The following DZANK1 variants were observed in gnomAD, a reference collection of about 807,000 sequenced individuals.
DZANK1 encodes the protein double zinc ribbon and ankyrin repeat domains 1, also known as double zinc ribbon and ankyrin repeat-containing protein 1.
Under a neutral mutation model 94.5 loss-of-function variants are expected in DZANK1, and 91 were observed. That is an observed-to-expected ratio of 0.96 (90% CI 0.81 to 1.15). DZANK1 has a LOEUF of 1.15. Ranked by LOEUF, DZANK1 falls within the 50% of genes most tolerant of loss-of-function variation. The pLI is 0.00. For synonymous variants in DZANK1, 312 were observed against 325.3 expected, an observed-to-expected ratio of 0.96 and a Z score of 0.44; for missense variants, 903 against 916.4, an observed-to-expected ratio of 0.99 and a Z score of 0.19.
chr20:18,393,825 GT>G lies in DZANK1; in HGVS notation c.1709-15del. The G allele has an allele frequency of 6.3e-7, 1 of 1,576,898 alleles. No homozygotes were observed. Among genetic ancestry groups the G allele is most frequent in the South Asian group, 1.1e-5 (1 of 88,026 alleles). ...TGTAGTCACTCACTGAAATGACACA[GT>G]TGGGGAAAAAAATGATGCCCCTCCC... On this transcript the variant is annotated splice_polypyrimidine_tract_variant and intron_variant, in intron 16 of 20. Transcript: ENST00000262547.
At chr20:18,447,143 TA>T (rs1381831363) in intron 7 of DZANK1, among the ~76,000 whole-genome samples, 1 of 152,128 alleles carries the variant, frequency 6.6e-6, no homozygotes, top group Admixed American at 6.5e-5. Flanking sequence ...TTCCTGATTT[TA>T]AAAAAGAAGC....
At chr20:18,466,884 A>AG (rs1176251609) in intron 1 of DZANK1, 112 bp downstream of exon 1, 1 of 152,490 alleles carries the variant, frequency 6.6e-6, no homozygotes. Context: ...GGCTGGAGTA[A>AG]GGGAAGCTCT....
At chr20:18,403,090 G>A (rs2056771120) in intron 13 of DZANK1, among the ~76,000 whole-genome samples, 1 of 152,074 alleles carries the variant, frequency 6.6e-6, no homozygotes, top group South Asian at 2.1e-4. Flanking sequence ...GGAAGGACAG[G>A]GACTTCAGTA....
exon 19 of DZANK1, chr20:18,389,703 C>T: frequency 6.2e-7 from 1 of 1,613,620 alleles, no homozygotes; most frequent in Non-Finnish European, 8.5e-7. Flanking sequence ...TCACTTACGG[C>T]CCCCACTGCT....
intron 6 of DZANK1, among the ~76,000 whole-genome samples, chr20:18,449,898 G>A (rs896398838): frequency 6.6e-6 from 1 of 151,552 alleles, no homozygotes; most frequent in South Asian, 2.1e-4. Context: ...GACCAACATG[G>A]AGAAACCCCG....
chr20:18,425,483 G>A (rs754574114), intron 10 of DZANK1, among the ~76,000 whole-genome samples: 6 of 151,794 alleles, frequency 4.0e-5, no homozygotes, highest in Non-Finnish European at 7.4e-5. Flanking sequence ...CCAGGGAGGC[G>A]GAGGTTGCAG....
At chr20:18,454,306 G>A (rs949584427) in intron 4 of DZANK1, 9 of 324,672 alleles carry the variant, frequency 2.8e-5, no homozygotes, top group Non-Finnish European at 4.2e-5. Flanking sequence ...CTTAGCCCCC[G>A]AAGGCGGCCC....
At chr20:18,393,790 G>A in exon 17 of DZANK1, 1 of 1,612,286 alleles carries the variant, frequency 6.2e-7, no homozygotes, top group Non-Finnish European at 8.5e-7. Context: ...AGTATCTGAG[G>A]TACTCTGGCT....
chr20:18,393,848 TC>T, intron 16 of DZANK1, 37 bp from the exon 17 acceptor site: 1 of 1,285,012 alleles, frequency 7.8e-7, no homozygotes, highest in Non-Finnish European at 1.1e-6. Flanking sequence ...ATGATGCCCC[TC>T]CCCCAACTCC....
At chr20:18,451,683 C>T (rs1441887624) in intron 6 of DZANK1, among the ~76,000 whole-genome samples, 1 of 152,134 alleles carries the variant, frequency 6.6e-6, no homozygotes, top group Non-Finnish European at 1.5e-5. Context: ...GCTCGTCTCT[C>T]ATCTTTTCCA....
At chr20:18,415,344 C>G in exon 11 of DZANK1, 1 of 1,584,400 alleles carries the variant, frequency 6.3e-7, no homozygotes, top group South Asian at 1.2e-5. Flanking sequence ...CCACACCAGC[C>G]GCAGAAGGAC....
intron 12 of DZANK1, 140 bp downstream of exon 12, chr20:18,414,208 T>C: frequency 1.0e-6 from 1 of 967,486 alleles, no homozygotes; most frequent in Non-Finnish European, 1.5e-6. Flanking sequence ...TGCATTTATT[T>C]ACACACCTAG....
intron 13 of DZANK1, among the ~76,000 whole-genome samples, chr20:18,403,692 T>G (rs73902458): frequency 6.9e-6 from 1 of 144,330 alleles, no homozygotes; most frequent in Non-Finnish European, 1.5e-5. Context: ...TAAAAAACAA[T>G]CCCTGTAAAG....
intron 17 of DZANK1, among the ~76,000 whole-genome samples, chr20:18,393,034 T>C (rs2056105642): frequency 6.6e-6 from 1 of 152,146 alleles, no homozygotes; most frequent in Non-Finnish European, 1.5e-5. Flanking sequence ...TTTGCCCTGA[T>C]AACTATTTCG....
At chr20:18,433,585 G>C in intron 9 of DZANK1, 67 bp downstream of exon 9, 1 of 1,443,546 alleles carries the variant, frequency 6.9e-7, no homozygotes, top group East Asian at 2.3e-5. Flanking sequence ...AGCTGAAAAA[G>C]GACATATACC....
intron 10 of DZANK1, among the ~76,000 whole-genome samples, chr20:18,417,034 C>CAAAAAAAAAAAAAAAA (rs55889297): frequency 7.1e-6 from 1 of 139,910 alleles, no homozygotes; most frequent in Admixed American, 7.1e-5. Context: ...CAAAAAAAAA[C>CAAAAAAAAAAAAAAAA]AAAAAAAAAA....
intron 7 of DZANK1, among the ~76,000 whole-genome samples, chr20:18,445,315 A>G (rs116853028): frequency 0.017 from 2,664 of 152,364 alleles, 28 homozygotes; most frequent in Non-Finnish European, 0.021. Context: ...TGTACTTAAT[A>G]GCAGAGTATC....
rs1201917719 is a variant in DZANK1, at chr20:18,414,904, A to G, written c.1078-392T>C. ...TATACATGCATTGAATAGCTGAAAG[A>G]ACATCTCAAGAACTGGATCTGAGCA... On this transcript the variant is annotated intron_variant, in intron 11 of 20. Coordinates refer to ENST00000262547, the Ensembl canonical transcript of DZANK1. Among the ~76,000 whole-genome samples, 3 of 152,228 alleles carry G rather than the reference A, an allele frequency of 2.0e-5. No homozygotes were observed. The East Asian group carries it at 5.8e-4, about 29-fold the overall frequency.
exon 5 of DZANK1, chr20:18,453,795 T>C (rs1473369684): frequency 6.2e-7 from 1 of 1,612,022 alleles, no homozygotes; most frequent in Non-Finnish European, 8.5e-7. Flanking sequence ...ATTTTTTCTT[T>C]AGTTTTGATC....
Sources: allele counts gnomAD v4.1 joint callset (sites outside exome capture counted in the v4.1 genomes callset), GRCh38; gene constraint gnomAD v4.1.1; transcripts MANE v1.5; gene names NCBI Gene and HGNC (gene_info 2026-07-23, HGNC 2026-07-21).